The following WDR88 variants were observed in gnomAD, a reference collection of about 807,000 sequenced individuals.
WDR88 encodes the protein WD repeat-containing protein 88.
In WDR88, 40 loss-of-function variants were observed where a neutral mutation model predicts 46.8. The ratio of observed to expected loss-of-function variants is 0.86; its 90% CI spans 0.66 to 1.11. The LOEUF is 1.11. Ranked by LOEUF, WDR88 falls within the 50% of genes most tolerant of loss-of-function variation. The pLI is 0.00. For missense variants in WDR88, 562 were observed against 602.4 expected (o/e 0.93, Z 0.70); for synonymous variants, 235 against 240.7 (o/e 0.98, Z 0.22).
intron 10 of WDR88, chr19:33,174,121 G>A: frequency 6.6e-7 from 1 of 1,525,838 alleles, no homozygotes; most frequent in South Asian, 1.2e-5. Context: ...CAAAGTGCTG[G>A]GACTACAGGC....
chr19:33,160,592 A>G lies in WDR88; in HGVS notation c.1080+96A>G, dbSNP rs1374562436. 11 of 1,317,934 alleles carry G rather than the reference A, an allele frequency of 8.3e-6. No homozygotes were observed. The African/African-American group carries it at 1.0e-4, about 12-fold the overall frequency. 81.6% of individuals were successfully genotyped at this position (1,317,934 alleles called of 1,614,324 possible). ...TGCTGGGGACACAGCTGTGAGTGAC[A>G]CAGGCCTTGATGCCTCTGTGGGCTG... On this transcript the variant is annotated intron_variant, in intron 8 of 10. Transcript: ENST00000355868.
In WDR88 at chr19:33,132,399, A is replaced by G; in HGVS notation, c.230A>G (p.Gln77Arg). Residue 77 changes from glutamine to arginine, a missense_variant, in exon 1 of 11, where the codon CAG (glutamine) becomes CGG (arginine). Coordinates refer to ENST00000355868, the MANE Select transcript of WDR88 (RefSeq NM_173479.4). ...CCGCATCTGTTGCCTGAGAAGCACC[A>G]GGTGCCGGAGAAATTGATCTGGGGC... is the stretch of plus-strand genomic sequence containing the variant. ...PPPHLLPEKH[Q>R]VPEKLIWGDQ... The G allele has an allele frequency of 6.2e-7, 1 of 1,614,154 alleles. No homozygotes were observed.
chr19:33,157,703 A>G (rs375715428), intron 7 of WDR88, among the ~76,000 whole-genome samples: 5 of 11,734 alleles, frequency 4.3e-4, no homozygotes, highest in African/African-American at 1.3e-3. Context: ...ATATATATAT[A>G]TATATATATA....
chr19:33,160,608 CTGT>C, intron 8 of WDR88, 112 bp downstream of exon 8: 9 of 1,116,808 alleles, frequency 8.1e-6, no homozygotes, highest in Non-Finnish European at 1.1e-5. Context: ...CTTGATGCCT[CTGT>C]GGGCTGATGA....
Position 33,160,291 on chromosome 19 carries a change from A to AG in WDR88, c.998-119dup, listed in dbSNP as rs529979140. On this transcript the variant is annotated intron_variant, in intron 7 of 10. Transcript: ENST00000355868. ...TTGGGGTCGTGGAGCCACTCCAGGA[A>AG]GGGGTTTCAGTGTTGTCAGAGTGAG... is the stretch of plus-strand genomic sequence containing the variant. 209 of 920,684 alleles carry AG rather than the reference A, an allele frequency of 2.3e-4. 1 individual carries two copies. In the East Asian group the frequency reaches 5.0e-3, roughly 22 times the overall value. The allele number at this position is 920,684 out of a possible 1,614,324, so 57.0% of individuals were successfully genotyped here. A position where few individuals can be genotyped will look rare whatever the true frequency, so the allele number is the denominator to read the frequency against.
At position 33,144,938 on chromosome 19, in the gene WDR88, C is replaced by T. The variant is rs764394396; in HGVS notation, c.476+6C>T. On this transcript the variant is annotated splice_donor_region_variant and intron_variant, in intron 3 of 10. Coordinates refer to ENST00000355868, the MANE Select transcript of WDR88 (RefSeq NM_173479.4). The stretch of plus-strand genomic sequence containing the variant: ...ATCACCGGCGACAGCAGCAGGTGAC[C>T]TTTCCCTCGTCTTACACTGGGAAGA... 1 of 1,612,048 alleles carries T rather than the reference C, an allele frequency of 6.2e-7. No individual in the cohort carries two copies. The highest frequency in any genetic ancestry group is 1.7e-5 in the Admixed American group (1 of 59,710).
chr19:33,157,700 T>C (rs1973784010), intron 7 of WDR88, among the ~76,000 whole-genome samples: 1 of 6,714 alleles, frequency 1.5e-4, no homozygotes, highest in Non-Finnish European at 6.8e-4. Context: ...TATATATATA[T>C]ATATATATAT....
intron 3 of WDR88, among the ~76,000 whole-genome samples, chr19:33,146,275 G>A (rs1408766103): frequency 6.6e-6 from 1 of 152,104 alleles, no homozygotes; most frequent in Non-Finnish European, 1.5e-5. Context: ...CAGCCTGGGC[G>A]ACGAGTGAAA....
chr19:33,147,612 AACCAG>A, intron 3 of WDR88, 28 bp from the exon 4 acceptor site: 1 of 1,609,842 alleles, frequency 6.2e-7, no homozygotes, highest in Non-Finnish European at 8.5e-7. Flanking sequence ...CAAAAAAAAG[AACCAG>A]TGTTCGTCAT....
intron 2 of WDR88, 40 bp from the exon 3 acceptor site, chr19:33,144,804 A>G (rs762727847): frequency 1.6e-5 from 25 of 1,587,606 alleles, no homozygotes; most frequent in Non-Finnish European, 2.2e-5. Context: ...CAAACACGGC[A>G]GTGACCACTC....
At chr19:33,133,198 T>TAAATAAATATAG (rs1555723214) in intron 1 of WDR88, among the ~76,000 whole-genome samples, 1 of 79,720 alleles carries the variant, frequency 1.3e-5, no homozygotes, top group African/African-American at 3.3e-5. Flanking sequence ...TAAATAAATA[T>TAAATAAATATAG]AGAGAGAGAG....
At position 33,148,831 on chromosome 19, in the gene WDR88, C is replaced by T. The variant is rs753685672; in HGVS notation, c.600C>T (p.Tyr200=). 60 of 1,614,000 alleles carry T rather than the reference C, an allele frequency of 3.7e-5. No individual in the cohort carries two copies. Among genetic ancestry groups the T allele is most frequent in the East Asian group, 1.8e-4 (8 of 44,896 alleles). ...VSCKFSPDGK[Y]VVSGFDVDHG... Reference sequence around the variant, plus strand: ...GTAAGTTTTCTCCTGATGGTAAATACGTGGTCTCAGGCTTCGACGTGGATC... The same window carrying T: ...GTAAGTTTTCTCCTGATGGTAAATATGTGGTCTCAGGCTTCGACGTGGATC... Residue 200 remains tyrosine, a synonymous_variant, in exon 5 of 11, where the codon TAC becomes TAT. Coordinates refer to ENST00000355868, the MANE Select transcript of WDR88 (RefSeq NM_173479.4).
intron 10 of WDR88, among the ~76,000 whole-genome samples, chr19:33,173,091 CAAAAAAAAAAAA>C (rs60495323): frequency 1.0e-4 from 6 of 57,290 alleles, no homozygotes; most frequent in East Asian, 6.8e-4. Context: ...GACTCTGTCT[CAAAAAAAAAAAA>C]AAAAAAAAAA....
intron 10 of WDR88, chr19:33,174,143 G>T (rs1227896422): frequency 6.5e-7 from 1 of 1,535,062 alleles, no homozygotes; most frequent in Non-Finnish European, 8.7e-7. Flanking sequence ...CAAGCTATCC[G>T]CACCCAAACT....
chr19:33,167,886 A>G (rs1316968928), intron 9 of WDR88, among the ~76,000 whole-genome samples: 1 of 151,696 alleles, frequency 6.6e-6, no homozygotes, highest in Non-Finnish European at 1.5e-5. Context: ...CCTGGGTTCA[A>G]GCAATTCTCC....
At chr19:33,143,337 CAAAAA>C (rs59380405) in intron 2 of WDR88, among the ~76,000 whole-genome samples, 31 of 49,338 alleles carry the variant, frequency 6.3e-4, no homozygotes, top group African/African-American at 2.3e-3. Context: ...GATCCAGTGT[CAAAAA>C]AAAAAAAAAA....
rs1267965453 is a variant in WDR88 at position 33,132,231 on chromosome 19, C to T, written c.62C>T (p.Pro21Leu). The change falls in exon 1 of 11, where the codon CCC (proline) becomes CTC (leucine). Residue 21 changes from proline to leucine, a missense_variant. Coordinates refer to ENST00000355868, the MANE Select transcript of WDR88 (RefSeq NM_173479.4). ...AHDRECKLPP[P>L]SAPASEYCPG... Reference sequence around the variant, plus strand: ...GACAGGGAATGCAAGTTGCCGCCACCCTCCGCCCCCGCCAGCGAGTATTGT... The same window carrying T: ...GACAGGGAATGCAAGTTGCCGCCACTCTCCGCCCCCGCCAGCGAGTATTGT... 2.5e-6 allele frequency: 4 copies of T among 1,610,780 alleles called. No individual in the cohort carries two copies. The highest frequency in any genetic ancestry group is 3.4e-6 in the Non-Finnish European group (4 of 1,179,838).
At chr19:33,169,775 T>C (rs1356801000) in intron 9 of WDR88, among the ~76,000 whole-genome samples, 1 of 152,064 alleles carries the variant, frequency 6.6e-6, no homozygotes, top group South Asian at 2.1e-4. Context: ...ACTAAATCTA[T>C]AAGCTTGCTT....
intron 7 of WDR88, among the ~76,000 whole-genome samples, 165 bp from the exon 8 acceptor site, chr19:33,160,248 GA>G (rs1399995813): frequency 6.6e-6 from 1 of 152,128 alleles, no homozygotes; most frequent in East Asian, 1.9e-4. Context: ...TAAATGATAA[GA>G]ATCAGCTGTA....
Sources: gnomAD v4.1 joint callset for allele counts (sites outside exome capture counted in the v4.1 genomes callset) on GRCh38, gnomAD v4.1.1 for gene constraint, MANE v1.5 for transcripts, NCBI Gene and HGNC (gene_info 2026-07-23, HGNC 2026-07-21) for gene names.